Variants in NXPH1 observed in about 807,000 individuals in gnomAD.
NXPH1 encodes neurexophilin-1.
In NXPH1, 5 loss-of-function variants were observed where a neutral mutation model predicts 23.7. That is an observed-to-expected ratio of 0.21 (90% CI 0.11 to 0.44). The LOEUF is 0.44. NXPH1 is among the 20% of genes least tolerant of loss of function. The pLI is 0.99. For missense variants in NXPH1, 324 were observed against 321.6 expected (o/e 1.01, Z -0.06); for synonymous variants, 144 against 122.2 (o/e 1.18, Z -1.18).
intron 2 of NXPH1, among the ~76,000 whole-genome samples, chr7:8,469,575 G>T (rs1289298650): frequency 6.6e-6 from 1 of 151,974 alleles, no homozygotes; most frequent in African/African-American, 2.4e-5. Context: ...CTCTTTCAAA[G>T]TATGGTCCCA....
chr7:8,599,610 A>G (rs1328303261), intron 2 of NXPH1, among the ~76,000 whole-genome samples: 4 of 152,014 alleles, frequency 2.6e-5, no homozygotes, highest in Admixed American at 6.6e-5. Context: ...ACTGCCTTCA[A>G]TTCCTTCATT....
intron 2 of NXPH1, among the ~76,000 whole-genome samples, chr7:8,485,211 C>A: frequency 6.6e-6 from 1 of 152,108 alleles, no homozygotes; most frequent in South Asian, 2.1e-4. Context: ...TATAAAAGGG[C>A]AGTTCCCCTG....
At chr7:8,631,623 T>C (rs1820131709) in intron 2 of NXPH1, among the ~76,000 whole-genome samples, 1 of 152,182 alleles carries the variant, frequency 6.6e-6, no homozygotes, top group Non-Finnish European at 1.5e-5. Flanking sequence ...TTGACAGCTT[T>C]GTTGATTTGT....
chr7:8,740,532 G>A (rs934749539), intron 2 of NXPH1, among the ~76,000 whole-genome samples: 2 of 152,166 alleles, frequency 1.3e-5, no homozygotes, highest in African/African-American at 4.8e-5. Flanking sequence ...TATGATCTCT[G>A]ACTGCAAAGC....
At position 8,593,375 on chromosome 7, in the gene NXPH1, A is replaced by G. The variant is rs564460771; in HGVS notation, c.54+157608A>G. On this transcript the variant is annotated intron_variant, in intron 2 of 2. Transcript: ENST00000405863. Reference sequence around the variant, plus strand: ...AAGCAGGGCCCTGAAAACTGATTAGAAAGATGATTAAAATCCTGGATGCCA... The same window carrying G: ...AAGCAGGGCCCTGAAAACTGATTAGGAAGATGATTAAAATCCTGGATGCCA... Among the ~76,000 whole-genome samples the G allele has an allele frequency of 3.9e-5, 6 of 152,068 alleles. No homozygotes were observed. The East Asian group carries it at 1.2e-3, about 30-fold the overall frequency.
intron 2 of NXPH1, among the ~76,000 whole-genome samples, chr7:8,731,631 G>A (rs1176420821): frequency 1.3e-5 from 2 of 152,178 alleles, no homozygotes; most frequent in African/African-American, 4.8e-5. Context: ...CTGTTGGAGG[G>A]TGCCTCCCAG....
At chr7:8,590,118 A>G (rs532018011) in intron 2 of NXPH1, among the ~76,000 whole-genome samples, 3 of 152,166 alleles carry the variant, frequency 2.0e-5, no homozygotes, top group African/African-American at 7.2e-5. Context: ...TCTTCTTTTC[A>G]TAGTTATTGG....
At chr7:8,667,194 C>G (rs1027298762) in intron 2 of NXPH1, among the ~76,000 whole-genome samples, 27 of 152,000 alleles carry the variant, frequency 1.8e-4, no homozygotes, top group Admixed American at 1.5e-3. Flanking sequence ...GCATTTTACT[C>G]TTTATACAAG....
At chr7:8,548,421 A>G (rs1382384791) in intron 2 of NXPH1, among the ~76,000 whole-genome samples, 1 of 151,540 alleles carries the variant, frequency 6.6e-6, no homozygotes. Context: ...TGTGACAGCC[A>G]CTATTAGGTT....
At chr7:8,491,005 TGTA>T (rs1817240079) in intron 2 of NXPH1, among the ~76,000 whole-genome samples, 2 of 152,220 alleles carry the variant, frequency 1.3e-5, no homozygotes, top group East Asian at 3.9e-4. Flanking sequence ...TATGATTTCT[TGTA>T]GTGACACCTG....
chr7:8,552,114 C>CAAA (rs34390317), intron 2 of NXPH1, among the ~76,000 whole-genome samples: 10 of 61,746 alleles, frequency 1.6e-4, no homozygotes, highest in South Asian at 6.1e-4. Context: ...GAAAAAAAAC[C>CAAA]AAAAAAAAAA....
At chr7:8,616,162 G>C (rs2189454) in intron 2 of NXPH1, among the ~76,000 whole-genome samples, 151,806 of 152,166 alleles carry the variant, frequency 1, 75,724 homozygotes, top group Middle Eastern at 1. Flanking sequence ...CTGACCTCAT[G>C]ATCTTTCACT....
chr7:8,476,029 T>G (rs78020355), intron 2 of NXPH1, among the ~76,000 whole-genome samples: 4,171 of 152,298 alleles, frequency 0.027, 88 homozygotes, highest in Middle Eastern at 0.044. Flanking sequence ...TCTGAAATGA[T>G]GCTAATATTG....
intron 2 of NXPH1, among the ~76,000 whole-genome samples, chr7:8,490,413 T>G (rs1195320729): frequency 2.2e-5 from 3 of 138,060 alleles, no homozygotes; most frequent in Non-Finnish European, 4.4e-5. Context: ...ACAGGCTGTT[T>G]TTTTTTTTTT....
At position 8,682,057 on chromosome 7, in the gene NXPH1, G is replaced by C. The variant is rs539224322; in HGVS notation, c.55-68951G>C. Among the ~76,000 whole-genome samples, 626 of 152,242 alleles carry C rather than the reference G, an allele frequency of 4.1e-3. 7 individuals carry two copies. Among genetic ancestry groups the C allele is most frequent in the African/African-American group, 0.014 (595 of 41,524 alleles). ...TGAAGGGTGAGCATGCCAGTGGAAGGGTCTGAATGGGTGCTGGGGTGAGGG... is the reference window on the plus strand; with the variant it reads ...TGAAGGGTGAGCATGCCAGTGGAAGCGTCTGAATGGGTGCTGGGGTGAGGG... On this transcript the variant is annotated intron_variant, in intron 2 of 2. Transcript: ENST00000405863.
intron 2 of NXPH1, among the ~76,000 whole-genome samples, chr7:8,668,565 G>C (rs1482575442): frequency 6.6e-6 from 1 of 152,114 alleles, no homozygotes; most frequent in Non-Finnish European, 1.5e-5. Context: ...CATGGGGGTG[G>C]GCCTGGAGCC....
intron 2 of NXPH1, among the ~76,000 whole-genome samples, chr7:8,451,011 C>G (rs1253139506): frequency 6.6e-6 from 1 of 151,890 alleles, no homozygotes; most frequent in Non-Finnish European, 1.5e-5. Context: ...TAAAAAATGC[C>G]AAATCTTCCC....
At chr7:8,681,178 C>T (rs1223905464) in intron 2 of NXPH1, among the ~76,000 whole-genome samples, 1 of 152,186 alleles carries the variant, frequency 6.6e-6, no homozygotes, top group Non-Finnish European at 1.5e-5. Flanking sequence ...CATTTAGCTT[C>T]AGAGCTATAA....
At chr7:8,530,559 A>C (rs189599179) in intron 2 of NXPH1, among the ~76,000 whole-genome samples, 26 of 152,332 alleles carry the variant, frequency 1.7e-4, no homozygotes, top group Admixed American at 7.8e-4. Context: ...CAGTTGCTCC[A>C]GAAGGTCGTC....
Sources: allele counts gnomAD v4.1 joint callset (sites outside exome capture counted in the v4.1 genomes callset), GRCh38; gene constraint gnomAD v4.1.1; transcripts MANE v1.5; gene names NCBI Gene and HGNC (gene_info 2026-07-23, HGNC 2026-07-21).